DNAH9: variants seen among roughly 807,000 people sequenced by gnomAD.
DNAH9 encodes the protein dynein axonemal heavy chain 9.
DNAH9 carries 345 observed loss-of-function variants against 471.6 expected under a neutral mutation model. The ratio of observed to expected loss-of-function variants is 0.73; its 90% CI spans 0.67 to 0.80. DNAH9 has a LOEUF of 0.80. Ranked by LOEUF, DNAH9 falls within the 30% of genes least tolerant of loss-of-function variation. The probability of loss-of-function intolerance (pLI) is 0.00; values close to 1 mark genes in which losing one functional copy is unlikely to be tolerated. For missense variants in DNAH9, 5,407 were observed against 5,609.2 expected (o/e 0.96, Z 1.15); for synonymous variants, 2,093 against 2,123.6 (o/e 0.99, Z 0.40).
intron 41 of DNAH9, 84 bp downstream of exon 41, chr17:11,784,623 C>T: frequency 6.3e-7 from 1 of 1,578,984 alleles, no homozygotes; most frequent in Non-Finnish European, 8.7e-7. Context: ...GTAGCTAATG[C>T]CCAGCTCATA....
chr17:11,798,459 G>A (rs28375364), intron 43 of DNAH9, among the ~76,000 whole-genome samples: 37 of 124,742 alleles, frequency 3.0e-4, no homozygotes, highest in African/African-American at 4.2e-4. Flanking sequence ...AAAAAAAAAA[G>A]AGAGAGAGAG....
At chr17:11,843,888 T>TATATATATATATATATATATACATAC (rs1188211391) in intron 49 of DNAH9, among the ~76,000 whole-genome samples, 1 of 133,092 alleles carries the variant, frequency 7.5e-6, no homozygotes, top group African/African-American at 2.8e-5. Flanking sequence ...TATATATATA[T>TATATATATATATATATATATACATAC]ATACACATAG....
intron 14 of DNAH9, among the ~76,000 whole-genome samples, chr17:11,662,023 CTTTG>C (rs1055274025): frequency 2.6e-5 from 4 of 152,002 alleles, no homozygotes; most frequent in Non-Finnish European, 5.9e-5. Flanking sequence ...TTCTCTCAGT[CTTTG>C]TTTATCTAAA....
At chr17:11,821,847 A>G in intron 45 of DNAH9, 73 bp from the exon 46 acceptor site, 2 of 1,530,786 alleles carry the variant, frequency 1.3e-6, no homozygotes, top group African/African-American at 2.8e-5. Flanking sequence ...CTAAGGTAGG[A>G]TAACTTCCCA....
intron 68 of DNAH9, among the ~76,000 whole-genome samples, chr17:11,964,285 A>C (rs1373766025): frequency 6.6e-6 from 1 of 152,192 alleles, no homozygotes; most frequent in Non-Finnish European, 1.5e-5. Context: ...AGCAAGCCAC[A>C]GCTATTAATA....
At chr17:11,876,010 A>G (rs1972465579) in intron 53 of DNAH9, among the ~76,000 whole-genome samples, 1 of 152,026 alleles carries the variant, frequency 6.6e-6, no homozygotes, top group Non-Finnish European at 1.5e-5. Context: ...CACAGTTAAT[A>G]AGGTTAGTAA....
intron 58 of DNAH9, among the ~76,000 whole-genome samples, chr17:11,893,178 CAAAAAA>C (rs58420771): frequency 1.1e-5 from 1 of 95,174 alleles, no homozygotes; most frequent in Admixed American, 1.4e-4. Flanking sequence ...TTGGCCTTTG[CAAAAAA>C]AAAAAAAAAA....
intron 61 of DNAH9, among the ~76,000 whole-genome samples, chr17:11,919,304 G>A (rs978089380): frequency 6.6e-5 from 10 of 151,872 alleles, no homozygotes; most frequent in African/African-American, 2.4e-4. Flanking sequence ...GACCATCCTG[G>A]CTAACACGGT....
chr17:11,738,317 T>C (rs2075380363), intron 28 of DNAH9, among the ~76,000 whole-genome samples: 1 of 152,194 alleles, frequency 6.6e-6, no homozygotes, highest in Non-Finnish European at 1.5e-5. Flanking sequence ...TAAACACCTG[T>C]TTGCTGTTCC....
At chr17:11,693,694 T>C (rs2074377608) in intron 20 of DNAH9, among the ~76,000 whole-genome samples, 174 bp from the exon 21 acceptor site, 1 of 152,028 alleles carries the variant, frequency 6.6e-6, no homozygotes, top group South Asian at 2.1e-4. Flanking sequence ...TTTTTGAAAA[T>C]GTAAATGGGT....
chr17:11,860,570 G>T (rs1182286732), intron 50 of DNAH9, among the ~76,000 whole-genome samples: 1 of 147,720 alleles, frequency 6.8e-6, no homozygotes, highest in Non-Finnish European at 1.5e-5. Flanking sequence ...GTTGTTTGTT[G>T]TTTTTTTTTT....
intron 19 of DNAH9, among the ~76,000 whole-genome samples, chr17:11,686,457 C>T (rs1294248145): frequency 6.6e-6 from 1 of 152,228 alleles, no homozygotes; most frequent in Middle Eastern, 3.4e-3. Context: ...ATCATTTCCC[C>T]AGAGTTTAGA....
intron 1 of DNAH9, among the ~76,000 whole-genome samples, chr17:11,601,046 A>C (rs916348773): frequency 7.9e-5 from 12 of 152,198 alleles, no homozygotes; most frequent in Admixed American, 1.3e-4. Flanking sequence ...GGAATCATGC[A>C]GTATTTGTTC....
chr17:11,877,860 G>A (rs1225737314), intron 53 of DNAH9, among the ~76,000 whole-genome samples: 7 of 151,886 alleles, frequency 4.6e-5, no homozygotes, highest in Non-Finnish European at 7.4e-5. Flanking sequence ...TCAGCCTTCC[G>A]AGTAGCTGGG....
chr17:11,769,186 G>A lies in DNAH9; in HGVS notation c.7409G>A (p.Arg2470Gln), dbSNP rs140586111. The A allele has an allele frequency of 2.6e-5, 42 of 1,614,194 alleles. No individual in the cohort carries two copies. The highest frequency in any genetic ancestry group is 2.0e-4 in the East Asian group (9 of 44,870). ...VCYFMERLMARQRPVMLVGTA... is the reference protein window; with the variant it reads ...VCYFMERLMAQQRPVMLVGTA... ...TACTTCATGGAGCGGTTGATGGCGCGGCAGCGGCCTGTCATGCTGGTGGGC... is the reference window on the plus strand; with the variant it reads ...TACTTCATGGAGCGGTTGATGGCGCAGCAGCGGCCTGTCATGCTGGTGGGC... The change falls in exon 38 of 69, where the codon CGG becomes CAG. Residue 2470 changes from arginine to glutamine, a missense_variant. Arg to Gln is a conservative substitution (Grantham distance 43). This residue lies in a region of DNAH9 where 4,636 missense variants were observed against 4,900.3 expected (regional missense o/e 0.95). Transcript: ENST00000262442.
At chr17:11,732,535 G>A (rs914292415) in intron 28 of DNAH9, among the ~76,000 whole-genome samples, 3 of 151,838 alleles carry the variant, frequency 2.0e-5, no homozygotes, top group Non-Finnish European at 2.9e-5. Flanking sequence ...CTACAGAAGC[G>A]ATTATGCTGC....
intron 64 of DNAH9, among the ~76,000 whole-genome samples, chr17:11,933,569 G>A (rs891171372): frequency 2.6e-5 from 4 of 151,774 alleles, no homozygotes; most frequent in African/African-American, 9.7e-5. Flanking sequence ...TAGTAGCGAT[G>A]GGGTTTCTCC....
chr17:11,806,313 C>T (rs1597672491), intron 43 of DNAH9, among the ~76,000 whole-genome samples: 1 of 152,132 alleles, frequency 6.6e-6, no homozygotes. Flanking sequence ...AACAGTTTTA[C>T]TTCTAGAACT....
At chr17:11,844,205 T>A (rs1223648694) in intron 49 of DNAH9, among the ~76,000 whole-genome samples, 1 of 152,064 alleles carries the variant, frequency 6.6e-6, no homozygotes, top group Admixed American at 6.6e-5. Flanking sequence ...AGAAAAGGAC[T>A]GTTAAATGTG....
Sources: allele counts gnomAD v4.1 joint callset (sites outside exome capture counted in the v4.1 genomes callset), GRCh38; gene constraint gnomAD v4.1.1; regional missense constraint gnomAD v4.1.1; transcripts MANE v1.5; gene names NCBI Gene and HGNC (gene_info 2026-07-23, HGNC 2026-07-21).